Variants in SLC36A1 observed in about 807,000 individuals in gnomAD.
The protein encoded by SLC36A1 is solute carrier family 36 member 1.
Under a neutral mutation model 47.5 loss-of-function variants are expected in SLC36A1, and 30 were observed. That is an observed-to-expected ratio of 0.63 (90% confidence interval 0.47 to 0.86). SLC36A1 has a LOEUF of 0.86. Among genes scored for constraint, SLC36A1 ranks in the 40% least tolerant of loss-of-function variants. SLC36A1 has a pLI of 0.00. For synonymous variants in SLC36A1, 255 were observed against 249.7 expected (o/e 1.02, Z -0.20); for missense variants, 517 against 606.0 (o/e 0.85, Z 1.54).
intron 10 of SLC36A1, 151 bp from the exon 11 acceptor site, chr5:151,487,832 T>C: frequency 2.2e-6 from 2 of 929,830 alleles, no homozygotes; most frequent in Non-Finnish European, 3.2e-6. Context: ...TCTGGGCATC[T>C]ATTTCACAGA....
At chr5:151,347,025 T>A in the SLC36A1 span, among the ~76,000 whole-genome samples, 1 of 152,308 alleles carries the variant, frequency 6.6e-6, no homozygotes, top group African/African-American at 2.4e-5. Context: ...CTAGCCCTTA[T>A]CCTGCCAATG....
At chr5:151,498,639 T>G in the SLC36A1 span, among the ~76,000 whole-genome samples, 1 of 152,200 alleles carries the variant, frequency 6.6e-6, no homozygotes, top group Admixed American at 6.5e-5. Flanking sequence ...GCCTGTCTTT[T>G]GACTCCAGCC....
At chr5:151,355,799 C>T in the SLC36A1 span, among the ~76,000 whole-genome samples, 289 of 152,130 alleles carry the variant, frequency 1.9e-3, no homozygotes, top group African/African-American at 6.7e-3. Flanking sequence ...AGCATAAAAC[C>T]GCATACATCT....
chr5:151,479,428 G>A lies in SLC36A1; in HGVS notation c.1098G>A (p.Ala366=), dbSNP rs77695971. The change falls in exon 10 of 11, where the codon GCG becomes GCA. Residue 366 remains alanine, a synonymous_variant. Coordinates refer to ENST00000243389, the MANE Select transcript of SLC36A1 (RefSeq NM_078483.4). ...TCATCCCCTTCTTTGTGTCCCGAGC[G>A]CCCGAGCACTGTGAGTTAGTGGTGG... is the stretch of plus-strand genomic sequence containing the variant. The part of the protein sequence containing the change: ...EIIIPFFVSR[A]PEHCELVVDL... 3.1e-3 allele frequency: 4,983 copies of A among 1,614,164 alleles called. 22 individuals carry two copies. Among genetic ancestry groups the A allele is most frequent in the Middle Eastern group, 8.4e-3 (51 of 6,062 alleles).
chr5:151,518,769 C>T, the SLC36A1 span, among the ~76,000 whole-genome samples: 1 of 152,210 alleles, frequency 6.6e-6, no homozygotes, highest in African/African-American at 2.4e-5. Context: ...GACTGTGGGA[C>T]ACTCTTATGT....
the SLC36A1 span, chr5:151,517,664 C>A: frequency 6.2e-7 from 1 of 1,614,166 alleles, no homozygotes; most frequent in Non-Finnish European, 8.5e-7. Context: ...AGAAGAATGG[C>A]CTGTGGCTGG....
At chr5:151,357,039 T>C in the SLC36A1 span, among the ~76,000 whole-genome samples, 3 of 152,102 alleles carry the variant, frequency 2.0e-5, no homozygotes, top group African/African-American at 4.8e-5. Flanking sequence ...TGTTAGCAAA[T>C]CTAAGAGGAA....
the SLC36A1 span, among the ~76,000 whole-genome samples, chr5:151,353,680 A>C: frequency 4.0e-3 from 614 of 152,022 alleles, 2 homozygotes; most frequent in African/African-American, 0.014. Flanking sequence ...GAGTCATTTC[A>C]CTGCCCTAAC....
At chr5:151,500,999 C>T in the SLC36A1 span, among the ~76,000 whole-genome samples, 1 of 152,268 alleles carries the variant, frequency 6.6e-6, no homozygotes, top group South Asian at 2.1e-4. Flanking sequence ...GTTAAGAAGG[C>T]GTTCCCCATC....
intron 10 of SLC36A1, among the ~76,000 whole-genome samples, chr5:151,486,166 G>T (rs1027129767): frequency 6.6e-6 from 1 of 152,184 alleles, no homozygotes; most frequent in African/African-American, 2.4e-5. Flanking sequence ...TTCTAATCAT[G>T]GCAGAAGGCA....
At chr5:151,472,209 A>G (rs181338126) in intron 7 of SLC36A1, among the ~76,000 whole-genome samples, 84 of 152,392 alleles carry the variant, frequency 5.5e-4, no homozygotes, top group Non-Finnish European at 7.1e-4. Context: ...TCCAAGTCCC[A>G]AAGCTGAAGA....
chr5:151,524,895 T>C, the SLC36A1 span, among the ~76,000 whole-genome samples: 11 of 152,258 alleles, frequency 7.2e-5, no homozygotes, highest in Non-Finnish European at 1.2e-4. Flanking sequence ...TCCCTCTGAA[T>C]GTGTGTCCCC....
the SLC36A1 span, chr5:151,542,959 A>G: frequency 6.2e-7 from 1 of 1,614,230 alleles, no homozygotes; most frequent in Non-Finnish European, 8.5e-7. Flanking sequence ...TAGACTGTAG[A>G]TGACTGGATC....
At chr5:151,449,041 A>G (rs1753227662) in intron 1 of SLC36A1, among the ~76,000 whole-genome samples, 1 of 152,216 alleles carries the variant, frequency 6.6e-6, no homozygotes, top group South Asian at 2.1e-4. Flanking sequence ...GGTGTGAGCC[A>G]GTGCCCCTGA....
At chr5:151,516,640 G>A in the SLC36A1 span, among the ~76,000 whole-genome samples, 17 of 152,136 alleles carry the variant, frequency 1.1e-4, no homozygotes, top group Non-Finnish European at 1.2e-4. Flanking sequence ...TTATGTTTAT[G>A]TTTATTGTCA....
chr5:151,546,207 C>T, the SLC36A1 span: 1 of 1,614,140 alleles, frequency 6.2e-7, no homozygotes. Context: ...CCAGGTCATG[C>T]CATTGTGGGG....
At chr5:151,505,005 G>A in the SLC36A1 span, 6 of 156,366 alleles carry the variant, frequency 3.8e-5, no homozygotes, top group African/African-American at 1.4e-4. Context: ...ACTTGACAAA[G>A]ACACAGTGAG....
At chr5:151,347,240 C>A in the SLC36A1 span, 1 of 1,606,760 alleles carries the variant, frequency 6.2e-7, no homozygotes. Context: ...AGGGTTTTTG[C>A]CAATGCAAGC....
intron 2 of SLC36A1, among the ~76,000 whole-genome samples, chr5:151,462,880 C>CT (rs371732424): frequency 3.1e-4 from 45 of 146,734 alleles, no homozygotes; most frequent in Admixed American, 4.8e-4. Context: ...GGATCTGAGT[C>CT]TTTTTTTTTT....
Sources: gnomAD v4.1 joint callset for allele counts (sites outside exome capture counted in the v4.1 genomes callset) on GRCh38, gnomAD v4.1.1 for gene constraint, MANE v1.5 for transcripts, NCBI Gene and HGNC (gene_info 2026-07-23, HGNC 2026-07-21) for gene names.